Variants in SLC4A10 observed in about 807,000 individuals in gnomAD.
The protein encoded by SLC4A10 is sodium-driven chloride bicarbonate exchanger.
Under a neutral mutation model 137.7 loss-of-function variants are expected in SLC4A10, and 42 were observed. The observed-to-expected ratio is 0.30, with a 90% CI of 0.24 to 0.39. The LOEUF is 0.39. Among genes scored for constraint, SLC4A10 ranks in the 10% least tolerant of loss-of-function variants. The probability of loss-of-function intolerance (pLI) is 1.00; values close to 1 mark genes in which losing one functional copy is unlikely to be tolerated. For synonymous variants in SLC4A10, 474 were observed against 464.1 expected, an observed-to-expected ratio of 1.02 and a Z score of -0.27; for missense variants, 925 against 1,355.0, an observed-to-expected ratio of 0.68 and a Z score of 4.98.
chr2:161,706,986 C>A (rs2043743565), intron 1 of SLC4A10, among the ~76,000 whole-genome samples: 1 of 151,416 alleles, frequency 6.6e-6, no homozygotes, highest in African/African-American at 2.4e-5. Flanking sequence ...TATATAGTAC[C>A]TGACACATAG....
intron 15 of SLC4A10, among the ~76,000 whole-genome samples, chr2:161,927,598 G>A (rs946912872): frequency 3.3e-5 from 5 of 152,168 alleles, no homozygotes; most frequent in South Asian, 2.1e-4. Context: ...TACAAAATGG[G>A]AGAAAATTTT....
intron 1 of SLC4A10, among the ~76,000 whole-genome samples, chr2:161,647,397 A>G (rs1475897042): frequency 1.3e-5 from 2 of 152,104 alleles, no homozygotes; most frequent in Non-Finnish European, 2.9e-5. Flanking sequence ...TGATATGTCC[A>G]AATAAATGTA....
At chr2:161,772,286 A>G (rs926577393) in intron 2 of SLC4A10, among the ~76,000 whole-genome samples, 3 of 151,878 alleles carry the variant, frequency 2.0e-5, no homozygotes, top group Non-Finnish European at 4.4e-5. Context: ...TTAAAACAAC[A>G]TATTTACCTT....
intron 1 of SLC4A10, among the ~76,000 whole-genome samples, chr2:161,728,366 G>A (rs1440366411): frequency 1.3e-5 from 2 of 152,128 alleles, no homozygotes; most frequent in Non-Finnish European, 2.9e-5. Context: ...TCTGAGGTCA[G>A]GAGTTCAAGA....
At chr2:161,946,005 T>C (rs1559598890) in intron 16 of SLC4A10, among the ~76,000 whole-genome samples, 1 of 152,032 alleles carries the variant, frequency 6.6e-6, no homozygotes, top group Non-Finnish European at 1.5e-5. Context: ...TAATAATTGC[T>C]CTGCTAGCAT....
chr2:161,832,207 G>A (rs543015918), intron 3 of SLC4A10, among the ~76,000 whole-genome samples: 1 of 152,242 alleles, frequency 6.6e-6, no homozygotes, highest in African/African-American at 2.4e-5. Context: ...GTGGGAGTTG[G>A]GGCTCAGAAT....
rs1413962669 is a variant in SLC4A10, at chr2:161,983,230, G to A, written c.*78G>A. On this transcript the variant is annotated 3_prime_UTR_variant, in exon 27 of 27. Coordinates refer to ENST00000446997, the MANE Select transcript of SLC4A10 (RefSeq NM_001178015.2). ...CTGACTCAGGGAAAGGTGTTGACAGGGAGACTTGTCTATGACTCGATCTTC... is the reference window on the plus strand; with the variant it reads ...CTGACTCAGGGAAAGGTGTTGACAGAGAGACTTGTCTATGACTCGATCTTC... 4.6e-6 allele frequency: 7 copies of A among 1,536,446 alleles called. No homozygotes were observed. Among genetic ancestry groups the A allele is most frequent in the Non-Finnish European group, 6.1e-6 (7 of 1,146,948 alleles).
chr2:161,802,312 A>C (rs1394650457), intron 2 of SLC4A10, among the ~76,000 whole-genome samples: 1 of 152,132 alleles, frequency 6.6e-6, no homozygotes, highest in African/African-American at 2.4e-5. Context: ...CTATAGTTTC[A>C]TGCCAATCTC....
intron 19 of SLC4A10, among the ~76,000 whole-genome samples, chr2:161,952,935 A>G (rs1695053646): frequency 6.6e-6 from 1 of 152,160 alleles, no homozygotes; most frequent in Non-Finnish European, 1.5e-5. Context: ...AATGTTTGCA[A>G]AGTCTCCTGG....
intron 3 of SLC4A10, among the ~76,000 whole-genome samples, chr2:161,836,858 G>A (rs2058851409): frequency 6.6e-6 from 1 of 152,158 alleles, no homozygotes; most frequent in Admixed American, 6.5e-5. Flanking sequence ...AATGATTGCA[G>A]ATTTCTCATT....
At chr2:161,873,025 A>G (rs2061235808) in intron 7 of SLC4A10, among the ~76,000 whole-genome samples, 1 of 152,076 alleles carries the variant, frequency 6.6e-6, no homozygotes, top group African/African-American at 2.4e-5. Context: ...AGTTTAATCT[A>G]TTGTTTAAAA....
chr2:161,944,512 C>T (rs941801634), intron 16 of SLC4A10, among the ~76,000 whole-genome samples: 1 of 151,678 alleles, frequency 6.6e-6, no homozygotes, highest in African/African-American at 2.4e-5. Context: ...GAGTTAGATA[C>T]CCTGAGTTTT....
At chr2:161,690,986 T>A (rs2041930581) in intron 1 of SLC4A10, among the ~76,000 whole-genome samples, 1 of 152,024 alleles carries the variant, frequency 6.6e-6, no homozygotes, top group African/African-American at 2.4e-5. Flanking sequence ...TTGAAAGTGG[T>A]GATAACCAAA....
intron 1 of SLC4A10, among the ~76,000 whole-genome samples, chr2:161,719,902 G>T (rs2045430407): frequency 6.6e-6 from 1 of 152,150 alleles, no homozygotes; most frequent in South Asian, 2.1e-4. Flanking sequence ...AGTTTAATTA[G>T]ATCCCATTTG....
intron 1 of SLC4A10, among the ~76,000 whole-genome samples, chr2:161,748,376 TTTTC>T (rs2048604131): frequency 6.6e-6 from 1 of 152,086 alleles, no homozygotes; most frequent in African/African-American, 2.4e-5. Context: ...TTCCTCTTTG[TTTTC>T]TTCCAAAAGT....
chr2:161,947,593 G>T lies in SLC4A10; in HGVS notation c.2131G>T (p.Val711Phe), dbSNP rs768080951. 1.9e-6 allele frequency: 3 copies of T among 1,612,816 alleles called. No homozygotes were observed. The change falls in exon 17 of 27, where the codon GTT becomes TTT. Residue 711 changes from valine to phenylalanine, a missense_variant. Val to Phe is a conservative substitution (Grantham distance 50). Transcript: ENST00000446997. ...ATGCAAATCATTGCATGGAGAGTAT[G>T]TTGGACGGGCCTGTGGCCATGATCA... Reference protein sequence around the residue: ...SECKSLHGEYVGRACGHDHPY... With the variant: ...SECKSLHGEYFGRACGHDHPY...
At chr2:161,693,452 G>A (rs2042190521) in intron 1 of SLC4A10, among the ~76,000 whole-genome samples, 1 of 151,906 alleles carries the variant, frequency 6.6e-6, no homozygotes, top group African/African-American at 2.4e-5. Context: ...AGAAACCTGT[G>A]GGCCAACTGT....
Position 161,882,435 on chromosome 2 carries a change from G to A in SLC4A10, c.1185G>A (p.Met395Ile). The change falls in exon 10 of 27, where the codon ATG (methionine) becomes ATA (isoleucine). Residue 395 changes from methionine to isoleucine, a missense_variant. Transcript: ENST00000446997. ...HEIGRSIATL[M>I]TDEVFHDVAY... The stretch of plus-strand genomic sequence containing the variant: ...TTGGCAGATCAATTGCAACCCTAAT[G>A]ACAGATGAGGTATTTATTCAAGTTC... The A allele has an allele frequency of 6.3e-7, 1 of 1,583,472 alleles. No individual in the cohort carries two copies. The highest frequency in any genetic ancestry group is 1.8e-5 in the Admixed American group (1 of 57,122).
intron 4 of SLC4A10, among the ~76,000 whole-genome samples, chr2:161,846,901 T>A (rs2059531406): frequency 6.6e-6 from 1 of 151,980 alleles, no homozygotes; most frequent in Admixed American, 6.6e-5. Flanking sequence ...ATGTTGATTG[T>A]GGTAGAGGTT....
Sources: gnomAD v4.1 joint callset for allele counts (sites outside exome capture counted in the v4.1 genomes callset) on GRCh38, gnomAD v4.1.1 for gene constraint, MANE v1.5 for transcripts, NCBI Gene and HGNC (gene_info 2026-07-23, HGNC 2026-07-21) for gene names.